Variants in PTBP3 observed in about 807,000 individuals in gnomAD.
PTBP3 encodes polypyrimidine tract binding protein 3.
In PTBP3, 20 loss-of-function variants were observed where a neutral mutation model predicts 58.7. The observed-to-expected ratio is 0.34, with a 90% CI of 0.24 to 0.50. PTBP3 has a LOEUF of 0.50. PTBP3 is among the 20% of genes least tolerant of loss of function. The pLI, the probability that PTBP3 is intolerant of heterozygous loss-of-function variation, is 0.98. For synonymous variants in PTBP3, 185 were observed against 219.8 expected, an observed-to-expected ratio of 0.84 and a Z score of 1.40; for missense variants, 509 against 637.2, an observed-to-expected ratio of 0.80 and a Z score of 2.17.
At chr9:112,225,273 T>C (rs1291915186) in intron 12 of PTBP3, among the ~76,000 whole-genome samples, 1 of 152,198 alleles carries the variant, frequency 6.6e-6, no homozygotes, top group Admixed American at 6.5e-5. Flanking sequence ...CACTCACTTG[T>C]ATATCACTTT....
chr9:112,361,562 T>G, the PTBP3 span, among the ~76,000 whole-genome samples: 1 of 114,108 alleles, frequency 8.8e-6, no homozygotes, highest in Non-Finnish European at 1.9e-5. Flanking sequence ...TCTACCTTAT[T>G]TTCCTTTTTT....
chr9:112,346,249 C>A, the PTBP3 span, among the ~76,000 whole-genome samples: 73,529 of 151,894 alleles, frequency 0.48, 18,090 homozygotes, highest in African/African-American at 0.56. Context: ...CTTGCTGCAA[C>A]CTTTGTCTCC....
At chr9:112,290,705 TATAC>T (rs1284358288) in intron 2 of PTBP3, among the ~76,000 whole-genome samples, 7 of 72,988 alleles carry the variant, frequency 9.6e-5, no homozygotes, top group African/African-American at 3.3e-4. Context: ...TATATATATA[TATAC>T]ACACACACAC....
chr9:112,313,561 C>G (rs141145899), intron 1 of PTBP3, among the ~76,000 whole-genome samples: 1 of 152,196 alleles, frequency 6.6e-6, no homozygotes, highest in Non-Finnish European at 1.5e-5. Flanking sequence ...GAGAGTCTAT[C>G]ACAGACCGGA....
chr9:112,317,052 G>C (rs1318235327), intron 1 of PTBP3, among the ~76,000 whole-genome samples: 1 of 151,840 alleles, frequency 6.6e-6, no homozygotes, highest in African/African-American at 2.4e-5. Flanking sequence ...GGCCAAGGCA[G>C]GAGGATTACT....
At chr9:112,321,067 T>G (rs1461804061) in intron 1 of PTBP3, among the ~76,000 whole-genome samples, 1 of 152,018 alleles carries the variant, frequency 6.6e-6, no homozygotes, top group Non-Finnish European at 1.5e-5. Flanking sequence ...CATTAAGGAA[T>G]GAACAAACAA....
At position 112,326,244 on chromosome 9, in the gene PTBP3, A is replaced by T. The variant is rs542852860; in HGVS notation, c.-52+7226T>A. Among the ~76,000 whole-genome samples, 9 of 152,314 alleles carry T rather than the reference A, an allele frequency of 5.9e-5. No individual in the cohort carries two copies. In the East Asian group the frequency reaches 1.7e-3, roughly 29 times the overall value. ...AAATTACAGCTCAGTTTAAAAGGAAAAGGATTGCAGCAAATGCCTTCTACA... is the reference window on the plus strand; with the variant it reads ...AAATTACAGCTCAGTTTAAAAGGAATAGGATTGCAGCAAATGCCTTCTACA... On this transcript the variant is annotated intron_variant, in intron 1 of 13. Coordinates refer to ENST00000374257, the MANE Select transcript of PTBP3 (RefSeq NM_001163788.4).
chr9:112,341,739 T>G, the PTBP3 span, among the ~76,000 whole-genome samples: 5 of 152,328 alleles, frequency 3.3e-5, no homozygotes, highest in East Asian at 7.7e-4. Context: ...GAAGTGACTG[T>G]GAAGTGACTC....
chr9:112,361,004 A>G, the PTBP3 span, among the ~76,000 whole-genome samples: 1 of 152,206 alleles, frequency 6.6e-6, no homozygotes, highest in African/African-American at 2.4e-5. Flanking sequence ...ATCCTTTAAT[A>G]TTTCAATTTG....
At chr9:112,305,193 G>T (rs1829122527) in intron 1 of PTBP3, among the ~76,000 whole-genome samples, 1 of 151,984 alleles carries the variant, frequency 6.6e-6, no homozygotes, top group East Asian at 1.9e-4. Context: ...CCAAAGAAAG[G>T]TGTGGCTTTT....
intron 2 of PTBP3, among the ~76,000 whole-genome samples, chr9:112,292,669 A>G (rs1258760170): frequency 6.6e-6 from 1 of 152,232 alleles, no homozygotes; most frequent in Non-Finnish European, 1.5e-5. Flanking sequence ...GAAATAAGCC[A>G]GTCACAAAAA....
intron 7 of PTBP3, among the ~76,000 whole-genome samples, chr9:112,244,421 C>A (rs1018071660): frequency 6.6e-6 from 1 of 151,734 alleles, no homozygotes; most frequent in African/African-American, 2.4e-5. Context: ...CGCTGGTAAT[C>A]CTAGTGCTTT....
At chr9:112,275,402 TG>T (rs1369016931) in intron 3 of PTBP3, among the ~76,000 whole-genome samples, 1 of 152,204 alleles carries the variant, frequency 6.6e-6, no homozygotes, top group African/African-American at 2.4e-5. Flanking sequence ...CCCAAAGTGC[TG>T]GGATTACAGG....
chr9:112,253,530 G>T (rs1289937750), intron 5 of PTBP3, among the ~76,000 whole-genome samples: 1 of 152,070 alleles, frequency 6.6e-6, no homozygotes. Flanking sequence ...CATTTCTGAA[G>T]GACTAAATAG....
At chr9:112,319,371 T>C (rs918745065) in intron 1 of PTBP3, among the ~76,000 whole-genome samples, 2 of 151,856 alleles carry the variant, frequency 1.3e-5, no homozygotes, top group Admixed American at 6.6e-5. Flanking sequence ...AACTGCGACT[T>C]TACAAAAATA....
rs1834767586 is a variant in PTBP3, at chr9:112,220,406, T to G, written c.*3445A>C. The G allele has an allele frequency of 8.3e-7, 1 of 1,207,790 alleles. No individual in the cohort carries two copies. Among genetic ancestry groups the G allele is most frequent in the Admixed American group, 3.2e-5 (1 of 30,824 alleles). 74.8% of individuals were successfully genotyped at this position (1,207,790 alleles called of 1,614,324 possible). A position where few individuals can be genotyped will look rare whatever the true frequency, so the allele number is the denominator to read the frequency against. On this transcript the variant is annotated 3_prime_UTR_variant, in exon 14 of 14. Transcript: ENST00000374257. ...TAAAATAAAGTAAAATAAAAAGAAA[T>G]TGAGCAGAGGCATTCATAGGAGCCA...
At position 112,220,375 on chromosome 9, in the gene PTBP3, T is replaced by A; in HGVS notation, c.*3476A>T. ...TGAGCCCAGGAGTTGGCGAGACCCC[T>A]AAAAATAAAATAAAGTAAAATAAAA... is the stretch of plus-strand genomic sequence containing the variant. On this transcript the variant is annotated 3_prime_UTR_variant, in exon 14 of 14. Coordinates refer to ENST00000374257, the MANE Select transcript of PTBP3 (RefSeq NM_001163788.4). 1 of 1,237,082 alleles carries A rather than the reference T, an allele frequency of 8.1e-7. No homozygotes were observed. The highest frequency in any genetic ancestry group is 1.0e-6 in the Non-Finnish European group (1 of 965,496). 76.6% of individuals were successfully genotyped at this position (1,237,082 alleles called of 1,614,324 possible). A position where few individuals can be genotyped will look rare whatever the true frequency, so the allele number is the denominator to read the frequency against.
At chr9:112,264,372 A>C (rs1032919950) in intron 4 of PTBP3, among the ~76,000 whole-genome samples, 1 of 152,184 alleles carries the variant, frequency 6.6e-6, no homozygotes, top group East Asian at 1.9e-4. Context: ...GACTCCTATT[A>C]ACACGACCAT....
chr9:112,232,243 T>C lies in PTBP3; in HGVS notation c.881-5A>G, dbSNP rs562053528. The C allele has an allele frequency of 5.1e-6, 8 of 1,583,690 alleles. No homozygotes were observed. The highest frequency in any genetic ancestry group is 1.8e-5 in the Admixed American group (1 of 54,086). ...GAACAGCTGGAACTGATAGACCTTT[T>C]AAAAATACCAAAAGCATTTCATATT... is the stretch of plus-strand genomic sequence containing the variant. On this transcript the variant is annotated splice_polypyrimidine_tract_variant and splice_region_variant and intron_variant, in intron 8 of 13. Transcript: ENST00000374257.
Sources: gnomAD v4.1 joint callset for allele counts (sites outside exome capture counted in the v4.1 genomes callset) on GRCh38, gnomAD v4.1.1 for gene constraint, MANE v1.5 for transcripts, NCBI Gene and HGNC (gene_info 2026-07-23, HGNC 2026-07-21) for gene names.